RBFOX1: variants seen among roughly 807,000 people sequenced by gnomAD.
The protein encoded by RBFOX1 is RNA binding fox-1 homolog 1.
In RBFOX1, 8 loss-of-function variants were observed where a neutral mutation model predicts 57.7. The observed-to-expected ratio is 0.14, with a 90% CI of 0.08 to 0.25. The LOEUF (loss-of-function observed/expected upper bound fraction) is 0.25. Ranked by LOEUF, RBFOX1 falls within the 10% of genes least tolerant of loss-of-function variation. The probability of loss-of-function intolerance (pLI) is 1.00; values close to 1 mark genes in which losing one functional copy is unlikely to be tolerated. For synonymous variants in RBFOX1, 326 were observed against 222.4 expected, an observed-to-expected ratio of 1.47 and a Z score of -4.15; for missense variants, 611 against 548.5, an observed-to-expected ratio of 1.11 and a Z score of -1.14.
At chr16:5,495,336 G>C (rs996065153) in intron 2 of RBFOX1, among the ~76,000 whole-genome samples, 1 of 152,204 alleles carries the variant, frequency 6.6e-6, no homozygotes, top group Non-Finnish European at 1.5e-5. Flanking sequence ...TGAATCTGCA[G>C]AGAGAGACTG....
At chr16:7,297,406 T>C (rs2095918418) in intron 4 of RBFOX1, among the ~76,000 whole-genome samples, 1 of 152,142 alleles carries the variant, frequency 6.6e-6, no homozygotes, top group Admixed American at 6.6e-5. Context: ...GAGGAAGGGG[T>C]AAGATGAGGA....
chr16:7,430,791 G>C (rs1267275100), intron 4 of RBFOX1, among the ~76,000 whole-genome samples: 1 of 152,198 alleles, frequency 6.6e-6, no homozygotes, highest in Non-Finnish European at 1.5e-5. Context: ...TTGCTACCTG[G>C]ATGGCCAAGT....
intron 3 of RBFOX1, among the ~76,000 whole-genome samples, chr16:6,770,808 A>T (rs1358800889): frequency 6.6e-6 from 1 of 152,158 alleles, no homozygotes; most frequent in Non-Finnish European, 1.5e-5. Flanking sequence ...TATGACAGGG[A>T]GGAAATGAGC....
At chr16:5,638,813 C>A (rs2048769774) in intron 3 of RBFOX1, among the ~76,000 whole-genome samples, 1 of 152,146 alleles carries the variant, frequency 6.6e-6, no homozygotes, top group South Asian at 2.1e-4. Flanking sequence ...AAGTTCTGGG[C>A]TGAATGGGCT....
intron 3 of RBFOX1, among the ~76,000 whole-genome samples, chr16:6,868,579 C>T (rs934250257): frequency 1.3e-5 from 2 of 152,050 alleles, no homozygotes; most frequent in African/African-American, 4.8e-5. Flanking sequence ...TCAAGCAATT[C>T]TCCTGCTTTA....
At chr16:5,981,036 C>G (rs369719299) in intron 4 of RBFOX1, among the ~76,000 whole-genome samples, 1 of 152,186 alleles carries the variant, frequency 6.6e-6, no homozygotes, top group African/African-American at 2.4e-5. Context: ...GCATCAGACT[C>G]CACCCCAGGC....
chr16:6,396,971 G>C (rs1402408149), intron 2 of RBFOX1, among the ~76,000 whole-genome samples: 1 of 152,128 alleles, frequency 6.6e-6, no homozygotes, highest in Non-Finnish European at 1.5e-5. Flanking sequence ...CAGCACAACA[G>C]ATCAGTGAAT....
chr16:6,478,434 T>A (rs1238820785), intron 2 of RBFOX1, among the ~76,000 whole-genome samples: 125 of 95,906 alleles, frequency 1.3e-3, no homozygotes, highest in African/African-American at 6.6e-3. Flanking sequence ...TATATATTTT[T>A]TTTTTTTTTT....
chr16:7,673,881 C>T (rs987161147), intron 13 of RBFOX1, among the ~76,000 whole-genome samples: 26 of 152,090 alleles, frequency 1.7e-4, no homozygotes, highest in African/African-American at 5.8e-4. Flanking sequence ...ACATTTTTGT[C>T]AAATGATCTC....
intron 3 of RBFOX1, among the ~76,000 whole-genome samples, chr16:5,737,006 C>A (rs1044409642): frequency 6.6e-6 from 1 of 151,122 alleles, no homozygotes; most frequent in Non-Finnish European, 1.5e-5. Flanking sequence ...TCAGTCTCAT[C>A]CTCTTTCCCT....
At chr16:6,887,739 T>C (rs1018464548) in intron 3 of RBFOX1, among the ~76,000 whole-genome samples, 110 of 151,972 alleles carry the variant, frequency 7.2e-4, no homozygotes, top group African/African-American at 2.7e-3. Context: ...CTTGGCTTAC[T>C]GCAACCTCTG....
chr16:5,355,313 C>T (rs893563932), intron 1 of RBFOX1, among the ~76,000 whole-genome samples: 2 of 152,114 alleles, frequency 1.3e-5, no homozygotes, highest in Non-Finnish European at 2.9e-5. Context: ...TGTGGCAGGA[C>T]GCAGGGACTA....
In RBFOX1 at chr16:7,632,726, T is replaced by G. The variant is rs570444395; in HGVS notation, c.757+2043T>G. 6.6e-5 allele frequency among the ~76,000 whole-genome samples: 10 copies of G among 152,344 alleles called. No individual in the cohort carries two copies. In the South Asian group the frequency reaches 2.1e-3, roughly 32 times the overall value. On this transcript the variant is annotated intron_variant, in intron 11 of 15. Transcript: ENST00000550418. ...AACATTGCGGTCCTATAGAAGTGTCTGGGATAAAATCTTTATGCTATCCAG... is the reference window on the plus strand; with the variant it reads ...AACATTGCGGTCCTATAGAAGTGTCGGGGATAAAATCTTTATGCTATCCAG...
At chr16:5,301,521 A>G (rs1305934678) in intron 1 of RBFOX1, among the ~76,000 whole-genome samples, 4 of 148,812 alleles carry the variant, frequency 2.7e-5, no homozygotes, top group Non-Finnish European at 5.9e-5. Context: ...CGGGAAGCTG[A>G]GGCAGGAGAA....
intron 3 of RBFOX1, among the ~76,000 whole-genome samples, chr16:6,807,324 C>T (rs1410545019): frequency 6.6e-6 from 1 of 151,990 alleles, no homozygotes; most frequent in Non-Finnish European, 1.5e-5. Flanking sequence ...ATGAAGAGAA[C>T]TTGGCAATAA....
intron 4 of RBFOX1, among the ~76,000 whole-genome samples, chr16:7,369,032 G>A (rs965387356): frequency 3.3e-5 from 5 of 152,134 alleles, no homozygotes; most frequent in African/African-American, 1.2e-4. Context: ...CAGGATGATG[G>A]TGAAGAGATA....
At chr16:7,310,191 C>G (rs577069082) in intron 4 of RBFOX1, among the ~76,000 whole-genome samples, 7 of 152,124 alleles carry the variant, frequency 4.6e-5, no homozygotes, top group Admixed American at 6.5e-5. Flanking sequence ...ACCCGCAGGC[C>G]GCCTCTGCTG....
chr16:5,755,590 TTTTG>T (rs539530081), intron 3 of RBFOX1, among the ~76,000 whole-genome samples: 27 of 152,242 alleles, frequency 1.8e-4, no homozygotes, highest in African/African-American at 5.5e-4. Flanking sequence ...ATCTAATTAC[TTTTG>T]TTTGTTTGTT....
At chr16:5,989,641 C>T (rs980025831) in intron 4 of RBFOX1, among the ~76,000 whole-genome samples, 5 of 151,850 alleles carry the variant, frequency 3.3e-5, no homozygotes, top group African/African-American at 7.3e-5. Context: ...CTGCCCTTCA[C>T]CTCCAATCAA....
Sources: gnomAD v4.1 joint callset for allele counts (sites outside exome capture counted in the v4.1 genomes callset) on GRCh38, gnomAD v4.1.1 for gene constraint, MANE v1.5 for transcripts, NCBI Gene and HGNC (gene_info 2026-07-23, HGNC 2026-07-21) for gene names.